Variants in AMD1 observed in about 807,000 individuals in gnomAD.
The protein encoded by AMD1 is adenosylmethionine decarboxylase 1.
In AMD1, 11 loss-of-function variants were observed where a neutral mutation model predicts 40.2. That is an observed-to-expected ratio of 0.27 (90% confidence interval 0.17 to 0.45). The LOEUF is 0.45. Ranked by LOEUF, AMD1 falls within the 20% of genes least tolerant of loss-of-function variation. AMD1 has a pLI of 1.00. For synonymous variants in AMD1, 121 were observed against 130.8 expected (o/e 0.93, Z 0.51); for missense variants, 257 against 410.2 (o/e 0.63, Z 3.23).
upstream of AMD1, among the ~76,000 whole-genome samples, chr6:110,870,383 G>A (rs1420172194): frequency 1.3e-5 from 2 of 152,178 alleles, no homozygotes; most frequent in East Asian, 1.9e-4. Context: ...CCAGCACTCT[G>A]GGAGGTTGAG....
At chr6:110,844,578 G>A in the AMD1 span, among the ~76,000 whole-genome samples, 4 of 151,804 alleles carry the variant, frequency 2.6e-5, no homozygotes, top group Non-Finnish European at 4.4e-5. Context: ...TCAGGAGATC[G>A]AGACCATCGT....
chr6:110,815,210 A>C, the AMD1 span: 3 of 1,357,526 alleles, frequency 2.2e-6, no homozygotes. Context: ...TCCCCCCGCG[A>C]CCGCCGCTCC....
At chr6:110,883,947 T>A (rs1197662824) in intron 1 of AMD1, among the ~76,000 whole-genome samples, 1 of 152,152 alleles carries the variant, frequency 6.6e-6, no homozygotes, top group Non-Finnish European at 1.5e-5. Flanking sequence ...ATCCCCTATG[T>A]GAGTCAGGCA....
upstream of AMD1, among the ~76,000 whole-genome samples, chr6:110,873,632 GT>G (rs1348387467): frequency 6.6e-6 from 1 of 152,094 alleles, no homozygotes; most frequent in Admixed American, 6.5e-5. Flanking sequence ...GTCAGCTTGG[GT>G]TTTTTTCCTC....
rs780022295 is a variant in AMD1 at position 110,892,987 on chromosome 6, C to G, written c.786C>G (p.Thr262=). The G allele has an allele frequency of 5.0e-6, 8 of 1,613,846 alleles. No homozygotes were observed. The highest frequency in any genetic ancestry group is 1.7e-4 in the Middle Eastern group (1 of 6,034). The part of the protein sequence containing the change: ...YVSFETNLSQ[T]SYDDLIRKVV... ...GCTTTGAAACAAACTTAAGTCAGAC[C>G]TCCTATGATGACCTGATCAGGAAAG... Residue 262 remains threonine, a synonymous_variant, in exon 8 of 9, where the codon ACC becomes ACG. Transcript: ENST00000368885.
At chr6:110,883,755 CTAAT>C (rs1785530802) in intron 1 of AMD1, among the ~76,000 whole-genome samples, 1 of 151,772 alleles carries the variant, frequency 6.6e-6, no homozygotes, top group Non-Finnish European at 1.5e-5. Context: ...CCATGCCCAG[CTAAT>C]TTTTTTTTTT....
chr6:110,828,168 C>T, the AMD1 span, among the ~76,000 whole-genome samples: 2 of 152,254 alleles, frequency 1.3e-5, no homozygotes, highest in East Asian at 1.9e-4. Context: ...CGGTGGCTCA[C>T]GTCTGTAATT....
rs767137123 is a variant in AMD1 at position 110,893,514 on chromosome 6, G to A, written c.903G>A (p.Lys301=). 2 of 1,613,988 alleles carry A rather than the reference G, an allele frequency of 1.2e-6. No individual in the cohort carries two copies. Among genetic ancestry groups the A allele is most frequent in the Non-Finnish European group, 1.7e-6 (2 of 1,179,888 alleles). Residue 301 remains lysine (K), a synonymous_variant, in exon 9 of 9, where the codon AAG becomes AAA. Coordinates refer to ENST00000368885, the MANE Select transcript of AMD1 (RefSeq NM_001634.6). ...GCACAGTGCTTGCTTCGCCCCAGAA[G>A]ATTGAAGGTTTTAAGCGTCTTGATT... ...KCRTVLASPQ[K]IEGFKRLDCQ...
At chr6:110,824,692 AT>A in the AMD1 span, among the ~76,000 whole-genome samples, 1 of 152,198 alleles carries the variant, frequency 6.6e-6, no homozygotes, top group Non-Finnish European at 1.5e-5. Context: ...AAAAATAAAA[AT>A]TAAATTTTAT....
At chr6:110,861,087 G>A in the AMD1 span, among the ~76,000 whole-genome samples, 2 of 151,930 alleles carry the variant, frequency 1.3e-5, no homozygotes, top group African/African-American at 2.4e-5. Context: ...GGCTGGGCAC[G>A]CTGGCTCACT....
At chr6:110,877,944 A>C (rs1349955581) in intron 1 of AMD1, among the ~76,000 whole-genome samples, 1 of 152,236 alleles carries the variant, frequency 6.6e-6, no homozygotes, top group Admixed American at 6.5e-5. Context: ...CAAAGAGAGC[A>C]TTAGTATTGA....
In AMD1 at chr6:110,877,692, T is replaced by C. The variant is rs554994530; in HGVS notation, c.110+2477T>C. Among the ~76,000 whole-genome samples the C allele has an allele frequency of 1.6e-4, 24 of 152,356 alleles. No individual in the cohort carries two copies. The South Asian group carries it at 5.0e-3, about 32-fold the overall frequency. On this transcript the variant is annotated intron_variant, in intron 1 of 8. Coordinates refer to ENST00000368885, the MANE Select transcript of AMD1 (RefSeq NM_001634.6). ...GTGAAGAATAAATAAGTTAATATGT[T>C]ATATGTAGTACGTAAACTGTTATCT...
chr6:110,821,179 G>A, the AMD1 span, among the ~76,000 whole-genome samples: 1 of 152,246 alleles, frequency 6.6e-6, no homozygotes, highest in African/African-American at 2.4e-5. Flanking sequence ...AGAGGATTGA[G>A]AAATGGTGGC....
At chr6:110,815,292 A>G in the AMD1 span, 1 of 771,210 alleles carries the variant, frequency 1.3e-6, no homozygotes, top group Non-Finnish European at 1.8e-6. Flanking sequence ...GTCCGCCTTC[A>G]GCAAGGGACT....
In AMD1 at chr6:110,895,450, TTTTTGTTTTGTTTTG is replaced by T. The variant is rs147095707; in HGVS notation, c.*1848_*1862del. 9 of 151,752 alleles carry T rather than the reference TTTTTGTTTTGTTTTG, an allele frequency of 5.9e-5. No homozygotes were observed. The highest frequency in any genetic ancestry group is 3.9e-4 in the East Asian group (2 of 5,112). 9.4% of individuals were successfully genotyped at this position (151,752 alleles called of 1,614,324 possible). On this transcript the variant is annotated 3_prime_UTR_variant, in exon 9 of 9. Transcript: ENST00000368885. ...TGACTTGAGGTCTGGTTTGGTTTTG[TTTTTGTTTTGTTTTG>T]TTTTGTTTTGTTTCCAATAGAATTA...
chr6:110,870,480 A>G (rs1307186424), upstream of AMD1, among the ~76,000 whole-genome samples: 1 of 152,008 alleles, frequency 6.6e-6, no homozygotes, highest in Non-Finnish European at 1.5e-5. Flanking sequence ...AAAATTAGCC[A>G]GGCATGGTGG....
At position 110,894,582 on chromosome 6, in the gene AMD1, A is replaced by T. The variant is rs1786207069; in HGVS notation, c.*966A>T. ...AGTAGCACCCCTTTACTAACTTAGT[A>T]GTAGTATAAAATCATTTTTATTTAG... On this transcript the variant is annotated 3_prime_UTR_variant, in exon 9 of 9. Coordinates refer to ENST00000368885, the MANE Select transcript of AMD1 (RefSeq NM_001634.6). 6.6e-6 allele frequency: 1 copy of T among 152,234 alleles called. No homozygotes were observed. The highest frequency in any genetic ancestry group is 1.5e-5 in the Non-Finnish European group (1 of 68,042). The allele number at this position is 152,234 out of a possible 1,614,324, so 9.4% of individuals were successfully genotyped here. A position where few individuals can be genotyped will look rare whatever the true frequency, so the allele number is the denominator to read the frequency against.
chr6:110,873,045 T>C (rs1171422439), upstream of AMD1, among the ~76,000 whole-genome samples: 1 of 152,186 alleles, frequency 6.6e-6, no homozygotes, highest in Admixed American at 6.5e-5. Flanking sequence ...TTATTATCTT[T>C]TGTCCCAATC....
the AMD1 span, among the ~76,000 whole-genome samples, chr6:110,829,550 T>A: frequency 6.6e-6 from 1 of 151,858 alleles, no homozygotes; most frequent in Non-Finnish European, 1.5e-5. Context: ...GTGCCTGTAG[T>A]CCCAGCTACT....
Sources: gnomAD v4.1 joint callset for allele counts (sites outside exome capture counted in the v4.1 genomes callset) on GRCh38, gnomAD v4.1.1 for gene constraint, MANE v1.5 for transcripts, NCBI Gene and HGNC (gene_info 2026-07-23, HGNC 2026-07-21) for gene names.